ATP8B4: variants seen among roughly 807,000 people sequenced by gnomAD.
The protein encoded by ATP8B4 is probable phospholipid-transporting ATPase IM.
ATP8B4 carries 133 observed loss-of-function variants against 145.6 expected under a neutral mutation model. The observed-to-expected ratio is 0.91, with a 90% CI of 0.79 to 1.05. ATP8B4 has a LOEUF of 1.05. ATP8B4 is among the 50% of genes least tolerant of loss of function. The pLI is 0.00. For missense variants in ATP8B4, 1,458 were observed against 1,425.2 expected (o/e 1.02, Z -0.37); for synonymous variants, 507 against 492.9 (o/e 1.03, Z -0.38).
At chr15:50,025,907 A>G (rs900252057) in intron 6 of ATP8B4, among the ~76,000 whole-genome samples, 2 of 152,240 alleles carry the variant, frequency 1.3e-5, no homozygotes, top group Admixed American at 1.3e-4. Flanking sequence ...GATATAATAG[A>G]GTGCTATTAT....
At chr15:49,861,402 ATGTGTGTG>A (rs58396806) in intron 27 of ATP8B4, among the ~76,000 whole-genome samples, 1 of 99,168 alleles carries the variant, frequency 1.0e-5, no homozygotes, top group East Asian at 2.4e-4. Context: ...TTAAAAAAAA[ATGTGTGTG>A]TGTGTGTGTG....
At chr15:50,097,559 T>C (rs1164891993) in intron 2 of ATP8B4, among the ~76,000 whole-genome samples, 2 of 152,206 alleles carry the variant, frequency 1.3e-5, no homozygotes, top group Non-Finnish European at 1.5e-5. Flanking sequence ...CCAAAGCAAC[T>C]GACCACTGTC....
chr15:50,047,552 G>A, intron 3 of ATP8B4, 88 bp from the exon 4 acceptor site: 1 of 829,338 alleles, frequency 1.2e-6, no homozygotes, highest in East Asian at 2.6e-5. Context: ...CTGAGCCAGA[G>A]TAAGAAAGAT....
At chr15:50,045,616 T>C (rs1021235942) in intron 4 of ATP8B4, among the ~76,000 whole-genome samples, 1 of 152,056 alleles carries the variant, frequency 6.6e-6, no homozygotes, top group Non-Finnish European at 1.5e-5. Context: ...TAAAAAAAAC[T>C]CAAAAGCCTC....
At chr15:49,986,235 C>T (rs962416155) in intron 10 of ATP8B4, among the ~76,000 whole-genome samples, 2 of 152,132 alleles carry the variant, frequency 1.3e-5, no homozygotes, top group Non-Finnish European at 2.9e-5. Flanking sequence ...GGACTATATC[C>T]CATCCATAGG....
chr15:49,901,260 G>T (rs78738209), intron 20 of ATP8B4, 21 bp from the exon 21 acceptor site: 1 of 1,610,488 alleles, frequency 6.2e-7, no homozygotes, highest in South Asian at 1.1e-5. Context: ...AGGGTGAAAA[G>T]TGAAACATAA....
intron 6 of ATP8B4, among the ~76,000 whole-genome samples, chr15:50,029,393 T>C (rs1181931587): frequency 6.6e-6 from 1 of 152,116 alleles, no homozygotes; most frequent in Non-Finnish European, 1.5e-5. Flanking sequence ...TAGCTTCTGA[T>C]AGCTTCAAGC....
chr15:49,935,726 A>G (rs1420450521), intron 14 of ATP8B4, among the ~76,000 whole-genome samples: 1 of 152,164 alleles, frequency 6.6e-6, no homozygotes, highest in Non-Finnish European at 1.5e-5. Context: ...ATGTACATAT[A>G]TTACCATTTC....
At chr15:49,989,444 G>C (rs1033267089) in intron 9 of ATP8B4, among the ~76,000 whole-genome samples, 1 of 151,546 alleles carries the variant, frequency 6.6e-6, no homozygotes, top group Non-Finnish European at 1.5e-5. Flanking sequence ...AATGTGCTTT[G>C]GGCAAAAACA....
chr15:50,078,205 G>T (rs2054308672), intron 2 of ATP8B4, among the ~76,000 whole-genome samples: 2 of 150,092 alleles, frequency 1.3e-5, no homozygotes, highest in South Asian at 4.2e-4. Flanking sequence ...TTGTGCCACT[G>T]CATACCACTC....
intron 17 of ATP8B4, chr15:49,922,369 G>A (rs1410370437): frequency 2.2e-6 from 1 of 446,186 alleles, no homozygotes; most frequent in Admixed American, 2.5e-5. Flanking sequence ...CCAGTGTTGT[G>A]TTCATTAAAA....
chr15:49,878,938 A>C (rs1183636146), intron 24 of ATP8B4, among the ~76,000 whole-genome samples: 1 of 152,132 alleles, frequency 6.6e-6, no homozygotes, highest in African/African-American at 2.4e-5. Flanking sequence ...CTATCATTGC[A>C]TGGTTCTTTA....
chr15:50,147,989 A>G (rs1179390082), intron 1 of ATP8B4, among the ~76,000 whole-genome samples: 1 of 152,234 alleles, frequency 6.6e-6, no homozygotes, highest in Non-Finnish European at 1.5e-5. Flanking sequence ...AAGAAGAACT[A>G]TATCTTTCCA....
At chr15:50,136,342 C>T (rs2044121118) in intron 1 of ATP8B4, among the ~76,000 whole-genome samples, 1 of 152,162 alleles carries the variant, frequency 6.6e-6, no homozygotes, top group Non-Finnish European at 1.5e-5. Context: ...GGCAGGAGGG[C>T]TATGCAGAAA....
At chr15:50,166,537 A>T (rs748572670) in intron 1 of ATP8B4, among the ~76,000 whole-genome samples, 23 of 152,220 alleles carry the variant, frequency 1.5e-4, no homozygotes, top group Non-Finnish European at 2.8e-4. Context: ...TTGAATAAGG[A>T]AACCCAACTA....
At chr15:49,986,581 A>T (rs1031266775) in intron 10 of ATP8B4, among the ~76,000 whole-genome samples, 1 of 152,230 alleles carries the variant, frequency 6.6e-6, no homozygotes, top group Non-Finnish European at 1.5e-5. Context: ...TAAGACTTTA[A>T]TGAACACTTT....
At chr15:50,015,739 C>A (rs979318320) in intron 6 of ATP8B4, among the ~76,000 whole-genome samples, 2 of 152,174 alleles carry the variant, frequency 1.3e-5, no homozygotes, top group Admixed American at 1.3e-4. Flanking sequence ...TGGCCCTAAT[C>A]CCCTAATAAC....
At chr15:50,173,019 C>A (rs547362910) in intron 1 of ATP8B4, among the ~76,000 whole-genome samples, 4 of 144,360 alleles carry the variant, frequency 2.8e-5, no homozygotes, top group African/African-American at 7.9e-5. Context: ...TGGGGGGCAG[C>A]CCCCATCCGG....
At chr15:50,138,897 G>A (rs1458091419) in intron 1 of ATP8B4, among the ~76,000 whole-genome samples, 1 of 152,136 alleles carries the variant, frequency 6.6e-6, no homozygotes, top group East Asian at 1.9e-4. Flanking sequence ...TGCCGGTATA[G>A]GGGAAATTGT....
Sources: gnomAD v4.1 joint callset for allele counts (sites outside exome capture counted in the v4.1 genomes callset) on GRCh38, gnomAD v4.1.1 for gene constraint, MANE v1.5 for transcripts, NCBI Gene and HGNC (gene_info 2026-07-23, HGNC 2026-07-21) for gene names.